BCL11A: variants seen among roughly 807,000 people sequenced by gnomAD.
BCL11A encodes BCL11 transcription factor A.
BCL11A carries 2 observed loss-of-function variants against 55.9 expected under a neutral mutation model. That is an observed-to-expected ratio of 0.04 (90% confidence interval 0.01 to 0.11). The LOEUF (loss-of-function observed/expected upper bound fraction) is 0.11. BCL11A is among the 10% of genes least tolerant of loss of function. The pLI is 1.00. For synonymous variants in BCL11A, 465 were observed against 473.4 expected (o/e 0.98, Z 0.23); for missense variants, 817 against 1,137.1 (o/e 0.72, Z 4.05).
At chr2:60,519,268 G>A (rs1182600918) in intron 2 of BCL11A, among the ~76,000 whole-genome samples, 1 of 152,196 alleles carries the variant, frequency 6.6e-6, no homozygotes, top group East Asian at 1.9e-4. Context: ...GCATTTTGCG[G>A]TCTTTTTGAT....
At chr2:60,553,890 C>G (rs958433400), upstream of BCL11A, 2 of 109,638 alleles carry the variant, frequency 1.8e-5, no homozygotes, top group African/African-American at 7.2e-5. Flanking sequence ...GTGGCCGCAG[C>G]GAGCGCCGCG....
intron 3 of BCL11A, among the ~76,000 whole-genome samples, chr2:60,463,139 T>C (rs1013673993): frequency 6.6e-6 from 1 of 152,174 alleles, no homozygotes; most frequent in Non-Finnish European, 1.5e-5. Context: ...CAACACCCCA[T>C]GGGGACGTCC....
chr2:60,462,107 G>A lies in BCL11A; in HGVS notation c.805C>T (p.Pro269Ser), dbSNP rs756619348. Residue 269 changes from proline to serine, a missense_variant, in exon 4 of 4, where the codon CCA becomes TCA. By Grantham distance (74) the Pro-to-Ser change is moderately conservative. Coordinates refer to ENST00000642384, the MANE Select transcript of BCL11A (RefSeq NM_022893.4). Reference sequence around the variant, plus strand: ...TGGGGGTCCAAGTGATGTCTCGGTGGTGGACTAAACAGGGGGGGAGTGGGT... The same window carrying A: ...TGGGGGTCCAAGTGATGTCTCGGTGATGGACTAAACAGGGGGGGAGTGGGT... ...FPPTPPLFSPPPRHHLDPHRI... is the reference protein window; with the variant it reads ...FPPTPPLFSPSPRHHLDPHRI... 2 of 1,560,806 alleles carry A rather than the reference G, an allele frequency of 1.3e-6. No homozygotes were observed. Among genetic ancestry groups the A allele is most frequent in the Non-Finnish European group, 1.7e-6 (2 of 1,155,098 alleles).
intron 2 of BCL11A, among the ~76,000 whole-genome samples, chr2:60,517,726 C>G (rs1668796938): frequency 6.6e-6 from 1 of 152,248 alleles, no homozygotes; most frequent in Non-Finnish European, 1.5e-5. Flanking sequence ...CACTGCCTAG[C>G]AAGTAGACTC....
chr2:60,458,552 T>G lies in BCL11A; in HGVS notation c.*1852A>C. ...CTGTTTCCATTCACAGCGCTTGCAATGTTGCGTCCAAGTAAGTAAGCTCAA... is the reference window on the plus strand; with the variant it reads ...CTGTTTCCATTCACAGCGCTTGCAAGGTTGCGTCCAAGTAAGTAAGCTCAA... On this transcript the variant is annotated 3_prime_UTR_variant, in exon 4 of 4. Coordinates refer to ENST00000642384, the MANE Select transcript of BCL11A (RefSeq NM_022893.4). 1 of 1,038,574 alleles carries G rather than the reference T, an allele frequency of 9.6e-7. No individual in the cohort carries two copies. Among genetic ancestry groups the G allele is most frequent in the Non-Finnish European group, 1.2e-6 (1 of 862,098 alleles). The allele number at this position is 1,038,574 out of a possible 1,614,324, so 64.3% of individuals were successfully genotyped here.
At chr2:60,474,100 A>G (rs1677376900) in intron 2 of BCL11A, among the ~76,000 whole-genome samples, 1 of 152,174 alleles carries the variant, frequency 6.6e-6, no homozygotes. Flanking sequence ...GATCAATGCT[A>G]TCCTCTTAGA....
intron 2 of BCL11A, among the ~76,000 whole-genome samples, chr2:60,481,170 G>T (rs1226465518): frequency 6.6e-6 from 1 of 152,052 alleles, no homozygotes; most frequent in Non-Finnish European, 1.5e-5. Context: ...TGCTCAAGGA[G>T]ATTGAGGCTT....
chr2:60,518,573 T>C (rs536150322), intron 2 of BCL11A, among the ~76,000 whole-genome samples: 1 of 151,834 alleles, frequency 6.6e-6, no homozygotes, highest in East Asian at 1.9e-4. Flanking sequence ...CGCAAAGGCA[T>C]GGGGGGACAA....
intron 2 of BCL11A, among the ~76,000 whole-genome samples, chr2:60,528,824 C>T (rs1273168741): frequency 6.6e-6 from 1 of 152,206 alleles, no homozygotes; most frequent in African/African-American, 2.4e-5. Flanking sequence ...ATGACAACAG[C>T]AATTCTGGAG....
intron 2 of BCL11A, among the ~76,000 whole-genome samples, chr2:60,499,045 G>C (rs978163809): frequency 7.2e-5 from 11 of 152,168 alleles, no homozygotes; most frequent in Non-Finnish European, 1.5e-4. Context: ...GGCATCCAAA[G>C]GGAAGAATGC....
intron 2 of BCL11A, among the ~76,000 whole-genome samples, chr2:60,471,047 G>C (rs572015998): frequency 6.6e-6 from 1 of 152,284 alleles, no homozygotes; most frequent in East Asian, 1.9e-4. Flanking sequence ...TGCCCAACAA[G>C]AAGGTCCTGT....
intron 2 of BCL11A, among the ~76,000 whole-genome samples, chr2:60,516,861 T>C (rs1668756452): frequency 6.6e-6 from 1 of 152,188 alleles, no homozygotes; most frequent in African/African-American, 2.4e-5. Flanking sequence ...GTTATCAGAC[T>C]AATGTTTGAG....
chr2:60,515,598 T>C (rs1483657536), intron 2 of BCL11A, among the ~76,000 whole-genome samples: 1 of 152,178 alleles, frequency 6.6e-6, no homozygotes, highest in Non-Finnish European at 1.5e-5. Context: ...AAAAATGGCC[T>C]GGGGAGGTCC....
chr2:60,458,228 T>G lies in BCL11A; in HGVS notation c.*2176A>C. ...TAGGAATCAACATGAGTGTGCATTT[T>G]CCTATATTTAAGTACTATATAATCT... On this transcript the variant is annotated 3_prime_UTR_variant, in exon 4 of 4. Transcript: ENST00000642384. 2 of 1,025,160 alleles carry G rather than the reference T, an allele frequency of 2.0e-6. No homozygotes were observed. The highest frequency in any genetic ancestry group is 2.3e-6 in the Non-Finnish European group (2 of 853,230). The allele number at this position is 1,025,160 out of a possible 1,614,324, so 63.5% of individuals were successfully genotyped here. A position where few individuals can be genotyped will look rare whatever the true frequency, so the allele number is the denominator to read the frequency against.
chr2:60,548,953 A>G (rs369082344), intron 1 of BCL11A, among the ~76,000 whole-genome samples: 1 of 152,110 alleles, frequency 6.6e-6, no homozygotes, highest in Non-Finnish European at 1.5e-5. Flanking sequence ...TTCCCTAAAA[A>G]CCTTCCTAAC....
chr2:60,488,810 A>T (rs569136213), intron 2 of BCL11A, among the ~76,000 whole-genome samples: 2 of 152,160 alleles, frequency 1.3e-5, no homozygotes, highest in South Asian at 4.1e-4. Context: ...CCCGGGCTGG[A>T]GTGCAATGGC....
intron 2 of BCL11A, among the ~76,000 whole-genome samples, chr2:60,499,177 G>A (rs907756075): frequency 1.3e-5 from 2 of 152,196 alleles, no homozygotes; most frequent in African/African-American, 2.4e-5. Context: ...CCAAAGAGCT[G>A]GAGAACAGTA....
intron 2 of BCL11A, among the ~76,000 whole-genome samples, chr2:60,540,077 T>G (rs1669850012): frequency 6.6e-6 from 1 of 152,202 alleles, no homozygotes. Flanking sequence ...AATTGATACA[T>G]AACATAAAAA....
intron 2 of BCL11A, among the ~76,000 whole-genome samples, chr2:60,507,229 AGGAAGGGAGGGAG>A (rs1679652384): frequency 2.0e-5 from 1 of 49,452 alleles, no homozygotes; most frequent in African/African-American, 2.2e-4. Flanking sequence ...GAAGGAAGGA[AGGAAGGGAGGGAG>A]GGAGGGGAGG....
Sources: allele counts gnomAD v4.1 joint callset (sites outside exome capture counted in the v4.1 genomes callset), GRCh38; gene constraint gnomAD v4.1.1; transcripts MANE v1.5; gene names NCBI Gene and HGNC (gene_info 2026-07-23, HGNC 2026-07-21).